The following TBC1D19 variants were observed in gnomAD, a reference collection of about 807,000 sequenced individuals.
The protein encoded by TBC1D19 is TBC1 domain family member 19.
In TBC1D19, 60 loss-of-function variants were observed where a neutral mutation model predicts 89.0. That is an observed-to-expected ratio of 0.67 (90% CI 0.55 to 0.84). The LOEUF is 0.84. Among genes scored for constraint, TBC1D19 ranks in the 40% least tolerant of loss-of-function variants. TBC1D19 has a pLI of 0.00. For missense variants in TBC1D19, 500 were observed against 610.8 expected (o/e 0.82, Z 1.91); for synonymous variants, 189 against 199.7 (o/e 0.95, Z 0.45).
intron 1 of TBC1D19, 90 bp downstream of exon 1, chr4:26,584,382 T>C (rs1275146232): frequency 8.3e-7 from 1 of 1,205,614 alleles, no homozygotes; most frequent in African/African-American, 1.5e-5. Context: ...AGAGCTCGCC[T>C]CTGACCTCTC....
At position 26,584,176 on chromosome 4, in the gene TBC1D19, C is replaced by A. The variant is rs1397932009; in HGVS notation, c.-18C>A. 1.2e-6 allele frequency: 2 copies of A among 1,602,358 alleles called. No individual in the cohort carries two copies. The highest frequency in any genetic ancestry group is 1.7e-6 in the Non-Finnish European group (2 of 1,175,452). On this transcript the variant is annotated 5_prime_UTR_variant, in exon 1 of 21. Coordinates refer to ENST00000264866, the MANE Select transcript of TBC1D19 (RefSeq NM_018317.4). ...CCGGCGGCCTGTCCCCGCGGCTTGGCGGGCTAGGGCAGGGGAAATGTTGCA... is the reference window on the plus strand; with the variant it reads ...CCGGCGGCCTGTCCCCGCGGCTTGGAGGGCTAGGGCAGGGGAAATGTTGCA...
intron 1 of TBC1D19, among the ~76,000 whole-genome samples, chr4:26,586,171 CTTT>C (rs57229787): frequency 1.9e-5 from 1 of 52,268 alleles, no homozygotes; most frequent in African/African-American, 4.4e-5. Flanking sequence ...GCAAGGTAAG[CTTT>C]TTTTTTTTTT....
At chr4:26,798,730 A>G in the TBC1D19 span, among the ~76,000 whole-genome samples, 3 of 152,026 alleles carry the variant, frequency 2.0e-5, no homozygotes, top group Admixed American at 6.6e-5. Context: ...TTGCAGCAAC[A>G]TGGATGGAGC....
intron 1 of TBC1D19, among the ~76,000 whole-genome samples, chr4:26,585,667 T>G (rs1374495726): frequency 6.6e-6 from 1 of 151,730 alleles, no homozygotes; most frequent in Non-Finnish European, 1.5e-5. Flanking sequence ...CACTACAACC[T>G]CTGCCTCCCA....
At chr4:26,622,120 G>A (rs1742091277) in intron 4 of TBC1D19, among the ~76,000 whole-genome samples, 1 of 152,050 alleles carries the variant, frequency 6.6e-6, no homozygotes, top group South Asian at 2.1e-4. Context: ...GGGAGGGATA[G>A]CATTAGGAGA....
intron 15 of TBC1D19, among the ~76,000 whole-genome samples, chr4:26,733,534 G>A (rs569889373): frequency 1.3e-5 from 2 of 152,218 alleles, no homozygotes; most frequent in African/African-American, 4.8e-5. Context: ...CTGACATCCA[G>A]TCCATGCCCT....
intron 13 of TBC1D19, among the ~76,000 whole-genome samples, chr4:26,701,268 T>C (rs1307597753): frequency 6.6e-6 from 1 of 152,102 alleles, no homozygotes; most frequent in African/African-American, 2.4e-5. Context: ...CTTAAAGAAA[T>C]AATCATTTAC....
intron 13 of TBC1D19, among the ~76,000 whole-genome samples, chr4:26,708,818 C>A (rs1321368469): frequency 6.6e-6 from 1 of 151,794 alleles, no homozygotes; most frequent in African/African-American, 2.4e-5. Flanking sequence ...CTTTTGGTTT[C>A]TTTTTTGGTT....
intron 20 of TBC1D19, 96 bp from the exon 21 acceptor site, chr4:26,754,777 G>C: frequency 2.3e-5 from 21 of 913,604 alleles, no homozygotes; most frequent in Non-Finnish European, 3.3e-5. Context: ...CAAATCCAAA[G>C]AAGGAGCTTA....
the TBC1D19 span, among the ~76,000 whole-genome samples, chr4:26,844,907 A>G: frequency 1.7e-4 from 26 of 152,238 alleles, no homozygotes; most frequent in African/African-American, 5.3e-4. Context: ...GATTGGCTGA[A>G]ACAATGAGGG....
At chr4:26,626,743 T>C (rs1336028042) in intron 4 of TBC1D19, among the ~76,000 whole-genome samples, 1 of 152,056 alleles carries the variant, frequency 6.6e-6, no homozygotes, top group Non-Finnish European at 1.5e-5. Flanking sequence ...ACCCTCTTCC[T>C]AATGGTCTTT....
At chr4:26,851,173 C>T in the TBC1D19 span, among the ~76,000 whole-genome samples, 2 of 152,202 alleles carry the variant, frequency 1.3e-5, no homozygotes, top group Non-Finnish European at 2.9e-5. Context: ...CCATTGACTT[C>T]TCTTGTTCTG....
At chr4:26,732,886 G>A (rs768393303) in intron 15 of TBC1D19, among the ~76,000 whole-genome samples, 2 of 152,174 alleles carry the variant, frequency 1.3e-5, no homozygotes, top group South Asian at 4.1e-4. Context: ...ATGAAGAACA[G>A]CCAAAGGAAG....
chr4:26,729,362 G>A (rs1479595541), intron 15 of TBC1D19, among the ~76,000 whole-genome samples: 1 of 152,104 alleles, frequency 6.6e-6, no homozygotes, highest in African/African-American at 2.4e-5. Flanking sequence ...CTATGTACGT[G>A]GCACCATGAG....
chr4:26,673,446 T>TATATATATATACACACACACACAC (rs373807642), intron 10 of TBC1D19, among the ~76,000 whole-genome samples: 3 of 90,872 alleles, frequency 3.3e-5, no homozygotes, highest in African/African-American at 8.5e-5. Context: ...TATATATATA[T>TATATATATATACACACACACACAC]ACACACACAC....
At chr4:26,777,032 G>T in the TBC1D19 span, among the ~76,000 whole-genome samples, 1 of 151,904 alleles carries the variant, frequency 6.6e-6, no homozygotes, top group Admixed American at 6.6e-5. Flanking sequence ...AACTATAGTT[G>T]CAGAATTTAT....
chr4:26,788,477 CCTCT>C, the TBC1D19 span, among the ~76,000 whole-genome samples: 4 of 152,260 alleles, frequency 2.6e-5, no homozygotes, highest in South Asian at 6.2e-4. Flanking sequence ...GTTCTAAGAT[CCTCT>C]CTCTATGTTG....
chr4:26,666,448 G>A, intron 9 of TBC1D19, 43 bp downstream of exon 9: 1 of 1,533,020 alleles, frequency 6.5e-7, no homozygotes, highest in Non-Finnish European at 9.0e-7. Flanking sequence ...ATAAATGAGA[G>A]TGAGCCTAAG....
chr4:26,625,981 A>G (rs569489470), intron 4 of TBC1D19, among the ~76,000 whole-genome samples: 1 of 152,098 alleles, frequency 6.6e-6, no homozygotes, highest in African/African-American at 2.4e-5. Flanking sequence ...CATATAGACC[A>G]TACTTAAGGA....
Sources: allele counts gnomAD v4.1 joint callset (sites outside exome capture counted in the v4.1 genomes callset), GRCh38; gene constraint gnomAD v4.1.1; transcripts MANE v1.5; gene names NCBI Gene and HGNC (gene_info 2026-07-23, HGNC 2026-07-21).